Variants in OLFM3 observed in about 807,000 individuals in gnomAD.
OLFM3 encodes the protein noelin-3.
In OLFM3, 20 loss-of-function variants were observed where a neutral mutation model predicts 48.6. The ratio of observed to expected loss-of-function variants is 0.41; its 90% CI spans 0.29 to 0.60. The LOEUF is 0.60. Ranked by LOEUF, OLFM3 falls within the 20% of genes least tolerant of loss-of-function variation. The pLI is 0.28. For synonymous variants in OLFM3, 222 were observed against 198.1 expected, an observed-to-expected ratio of 1.12 and a Z score of -1.01; for missense variants, 437 against 544.3, an observed-to-expected ratio of 0.80 and a Z score of 1.96.
At position 101,804,921 on chromosome 1, in the gene OLFM3, A is replaced by C; in HGVS notation, c.700-6T>G. On this transcript the variant is annotated splice_region_variant and splice_polypyrimidine_tract_variant and intron_variant, in intron 5 of 5. Coordinates refer to ENST00000370103, the MANE Select transcript of OLFM3 (RefSeq NM_058170.4). The surrounding 1 kb of genome is among the most constrained non-coding windows in gnomAD (Gnocchi z 4.5). The stretch of plus-strand genomic sequence containing the variant: ...TAACTGTCCATGTACCAGACCTGAG[A>C]AGAAGGAAAAAAATAAATGGAGTGA... 6.3e-7 allele frequency: 1 copy of C among 1,592,926 alleles called. No individual in the cohort carries two copies. The highest frequency in any genetic ancestry group is 8.5e-7 in the Non-Finnish European group (1 of 1,170,976).
intron 1 of OLFM3, among the ~76,000 whole-genome samples, chr1:101,983,021 G>T (rs1362910950): frequency 1.3e-5 from 2 of 152,154 alleles, no homozygotes; most frequent in Non-Finnish European, 2.9e-5. Context: ...CTTGTTTGGA[G>T]TTAAGATAAC....
intron 1 of OLFM3, among the ~76,000 whole-genome samples, chr1:101,993,476 G>A (rs534201421): frequency 1.3e-5 from 2 of 151,982 alleles, no homozygotes; most frequent in Non-Finnish European, 2.9e-5. Flanking sequence ...ACAGGCTTTC[G>A]GTGTTTGAAA....
At chr1:101,820,846 T>C (rs1654577300) in intron 4 of OLFM3, among the ~76,000 whole-genome samples, 1 of 152,078 alleles carries the variant, frequency 6.6e-6, no homozygotes, top group Non-Finnish European at 1.5e-5. Flanking sequence ...TTGTTGTAAT[T>C]TTATTGTTTC....
intron 1 of OLFM3, among the ~76,000 whole-genome samples, chr1:101,917,911 A>G (rs1334130042): frequency 2.0e-5 from 3 of 152,170 alleles, no homozygotes; most frequent in Admixed American, 6.5e-5. Context: ...TGAGCAGAAA[A>G]GAGCACGTAA....
chr1:101,990,869 A>G (rs1391620725), intron 1 of OLFM3, among the ~76,000 whole-genome samples: 1 of 150,444 alleles, frequency 6.6e-6, no homozygotes, highest in Non-Finnish European at 1.5e-5. Flanking sequence ...CTGTGGTCCC[A>G]AGATGCTCAG....
intron 1 of OLFM3, among the ~76,000 whole-genome samples, chr1:101,912,677 C>T (rs1658799989): frequency 6.6e-6 from 1 of 152,164 alleles, no homozygotes; most frequent in Non-Finnish European, 1.5e-5. Flanking sequence ...AATACGACGT[C>T]TTCCAATTTG....
chr1:101,908,503 C>T (rs776800499), intron 1 of OLFM3, among the ~76,000 whole-genome samples: 2 of 152,126 alleles, frequency 1.3e-5, no homozygotes, highest in Non-Finnish European at 2.9e-5. Context: ...CACATAGATG[C>T]ATTTTGAATA....
At chr1:101,885,059 T>C (rs898300518) in intron 1 of OLFM3, among the ~76,000 whole-genome samples, 4 of 151,954 alleles carry the variant, frequency 2.6e-5, no homozygotes, top group South Asian at 2.1e-4. Flanking sequence ...GAAAAATCCA[T>C]GAAAGCCACG....
rs566902824 is a variant in OLFM3 at position 101,855,084 on chromosome 1, C to T, written c.70-18059G>A. 3.4e-3 allele frequency among the ~76,000 whole-genome samples: 520 copies of T among 152,122 alleles called. 5 individuals are homozygous for T. The highest frequency in any genetic ancestry group is 0.012 in the African/African-American group (489 of 41,520). On this transcript the variant is annotated intron_variant, in intron 1 of 5. Transcript: ENST00000370103. The stretch of plus-strand genomic sequence containing the variant: ...AGTAAATTAACAATATAAAATTTAT[C>T]TTTAGAGTTTAAATATTCATCTTTC...
chr1:101,943,284 G>A (rs952413909), intron 1 of OLFM3, among the ~76,000 whole-genome samples: 40 of 152,302 alleles, frequency 2.6e-4, no homozygotes, highest in Middle Eastern at 3.4e-3. Context: ...AATGCCACCT[G>A]TGGACAGCGG....
At chr1:101,872,236 G>A (rs1194038119) in intron 1 of OLFM3, among the ~76,000 whole-genome samples, 1 of 152,046 alleles carries the variant, frequency 6.6e-6, no homozygotes, top group East Asian at 1.9e-4. Context: ...GTTAGCAAAG[G>A]TGTTTATCAA....
intron 1 of OLFM3, among the ~76,000 whole-genome samples, chr1:101,854,378 A>T (rs1038024788): frequency 7.2e-5 from 11 of 152,026 alleles, no homozygotes; most frequent in African/African-American, 2.7e-4. Context: ...TCTTTAAAGG[A>T]AGGATTTCTG....
chr1:101,809,204 C>A (rs375356684), intron 4 of OLFM3, among the ~76,000 whole-genome samples: 26 of 151,036 alleles, frequency 1.7e-4, no homozygotes, highest in African/African-American at 6.3e-4. Context: ...GTAACAACAC[C>A]TAAATATTCA....
chr1:101,938,611 G>A (rs1659694123), intron 1 of OLFM3, among the ~76,000 whole-genome samples: 1 of 152,170 alleles, frequency 6.6e-6, no homozygotes, highest in Non-Finnish European at 1.5e-5. Context: ...GGCTGCTTTT[G>A]CAAGGAAAGG....
rs546373003 is a variant in OLFM3 at position 101,829,444 on chromosome 1, C to T, written c.372+1228G>A. 6.6e-5 allele frequency among the ~76,000 whole-genome samples: 10 copies of T among 152,226 alleles called. No homozygotes were observed. The South Asian group carries it at 2.1e-3, about 32-fold the overall frequency. ...TGCCCTCTTTTTCTTCCTTTGTGAC[C>T]GTCTGGGTAAAACTTTAAAACCAAT... On this transcript the variant is annotated intron_variant, in intron 3 of 5. Transcript: ENST00000370103.
intron 1 of OLFM3, among the ~76,000 whole-genome samples, chr1:101,897,627 C>T (rs1658250194): frequency 6.6e-6 from 1 of 151,972 alleles, no homozygotes; most frequent in African/African-American, 2.4e-5. Flanking sequence ...GGTAATGAAC[C>T]ATACATTATG....
chr1:101,930,790 G>A (rs969984565), intron 1 of OLFM3, among the ~76,000 whole-genome samples: 3 of 152,162 alleles, frequency 2.0e-5, no homozygotes, highest in Non-Finnish European at 4.4e-5. Flanking sequence ...AAGAACATTT[G>A]AATAATTTTA....
intron 1 of OLFM3, among the ~76,000 whole-genome samples, chr1:101,926,129 G>A (rs1339259632): frequency 6.6e-6 from 1 of 152,136 alleles, no homozygotes; most frequent in East Asian, 1.9e-4. Flanking sequence ...TCCAGTGTTT[G>A]AAGCCTTAGG....
At chr1:101,862,968 G>A (rs1656713491) in intron 1 of OLFM3, among the ~76,000 whole-genome samples, 1 of 151,138 alleles carries the variant, frequency 6.6e-6, no homozygotes, top group Admixed American at 6.6e-5. Flanking sequence ...CTTCAGTATT[G>A]GTAAAAATAA....
Sources: allele counts gnomAD v4.1 joint callset (sites outside exome capture counted in the v4.1 genomes callset), GRCh38; gene constraint gnomAD v4.1.1; non-coding constraint Gnocchi (gnomAD v3.1); transcripts MANE v1.5; gene names NCBI Gene and HGNC (gene_info 2026-07-23, HGNC 2026-07-21).